Variants in ADCY9 observed in about 807,000 individuals in gnomAD.
ADCY9 encodes the protein adenylate cyclase 9.
In ADCY9, 50 loss-of-function variants were observed where a neutral mutation model predicts 101.5. That is an observed-to-expected ratio of 0.49 (90% CI 0.39 to 0.62). ADCY9 has a LOEUF of 0.62. Ranked by LOEUF, ADCY9 falls within the 20% of genes least tolerant of loss-of-function variation. The probability of loss-of-function intolerance (pLI) is 0.00; values close to 1 mark genes in which losing one functional copy is unlikely to be tolerated. For synonymous variants in ADCY9, 905 were observed against 769.3 expected (o/e 1.18, Z -2.92); for missense variants, 1,662 against 1,800.4 (o/e 0.92, Z 1.39).
chr16:4,041,458 C>T (rs989935629), intron 2 of ADCY9, among the ~76,000 whole-genome samples: 2 of 139,912 alleles, frequency 1.4e-5, no homozygotes, highest in African/African-American at 5.3e-5. Context: ...GAGCTGAGAT[C>T]ACTGGGCGAT....
chr16:3,966,040 A>G lies in ADCY9; in HGVS notation c.3797T>C (p.Val1266Ala). Reference protein sequence around the residue: ...LSISPDIRVQVDGSIGRSPTD... With the variant: ...LSISPDIRVQADGSIGRSPTD... ...GGGAGACCGTCCGATGCTGCCATCCACCTGGACGCGGATGTCTGGGGAGAT... is the reference window on the plus strand; with the variant it reads ...GGGAGACCGTCCGATGCTGCCATCCGCCTGGACGCGGATGTCTGGGGAGAT... The change falls in exon 11 of 11, where the codon GTG (valine) becomes GCG (alanine). Residue 1266 changes from valine (V) to alanine (A), a missense_variant. Transcript: ENST00000294016. 1.2e-6 allele frequency: 2 copies of G among 1,614,182 alleles called. No individual in the cohort carries two copies. Among genetic ancestry groups the G allele is most frequent in the Non-Finnish European group, 1.7e-6 (2 of 1,180,028 alleles).
chr16:4,016,897 G>T (rs1183345566), intron 2 of ADCY9, among the ~76,000 whole-genome samples: 2 of 152,170 alleles, frequency 1.3e-5, no homozygotes, highest in African/African-American at 4.8e-5. Context: ...TTAGGTTGTG[G>T]TGATGGTTGC....
chr16:3,996,281 C>T (rs2056286173), intron 3 of ADCY9, among the ~76,000 whole-genome samples: 1 of 152,166 alleles, frequency 6.6e-6, no homozygotes, highest in South Asian at 2.1e-4. Context: ...AGGATTGCTT[C>T]AGCGAAGGAA....
chr16:4,057,048 C>CAA (rs200506569), intron 2 of ADCY9, among the ~76,000 whole-genome samples: 3 of 126,314 alleles, frequency 2.4e-5, no homozygotes, highest in Non-Finnish European at 3.5e-5. Flanking sequence ...GCCCCCCCCC[C>CAA]CCCCGCCAAT....
chr16:3,994,826 A>G (rs1345110045), intron 3 of ADCY9, among the ~76,000 whole-genome samples: 1 of 152,160 alleles, frequency 6.6e-6, no homozygotes, highest in African/African-American at 2.4e-5. Context: ...GAAACTGGCC[A>G]CCAACTATGC....
rs2056254070 is a variant in ADCY9 at position 3,992,590 on chromosome 16, C to T, written c.1990-227G>A. On this transcript the variant is annotated intron_variant, in intron 4 of 10. Coordinates refer to ENST00000294016, the MANE Select transcript of ADCY9 (RefSeq NM_001116.4). This position sits in a 1 kb window ranked among gnomAD's most constrained non-coding sequence, Gnocchi z 4.2. ...GTTACCCAACAGTGCCCAGTGGTAA[C>T]GCTGGGTGTTCAGGCTGCCAGGACA... 6.6e-6 allele frequency among the ~76,000 whole-genome samples: 1 copy of T among 152,114 alleles called. No individual in the cohort carries two copies. The highest frequency in any genetic ancestry group is 2.4e-5 in the African/African-American group (1 of 41,414).
At chr16:4,088,476 G>A (rs75090912) in intron 2 of ADCY9, among the ~76,000 whole-genome samples, 6 of 151,908 alleles carry the variant, frequency 3.9e-5, no homozygotes, top group East Asian at 1.9e-4. Flanking sequence ...ATTTTGCAGC[G>A]ACAGGATTTC....
At chr16:3,968,117 G>C (rs568493831) in intron 10 of ADCY9, among the ~76,000 whole-genome samples, 85 of 152,182 alleles carry the variant, frequency 5.6e-4, no homozygotes, top group African/African-American at 1.6e-3. Flanking sequence ...TCATACCCAA[G>C]AAATTTAACA....
intron 10 of ADCY9, among the ~76,000 whole-genome samples, chr16:3,974,324 G>A (rs1184810915): frequency 2.0e-5 from 3 of 152,216 alleles, no homozygotes; most frequent in Non-Finnish European, 4.4e-5. Context: ...GATTACAGGC[G>A]TGAGCCACCG....
chr16:4,075,545 G>T (rs1335970145), intron 2 of ADCY9, among the ~76,000 whole-genome samples: 4 of 152,162 alleles, frequency 2.6e-5, no homozygotes, highest in African/African-American at 9.7e-5. Flanking sequence ...TGGATGTACT[G>T]GCAAGAAATG....
At chr16:4,034,521 T>G (rs752215408) in intron 2 of ADCY9, among the ~76,000 whole-genome samples, 6 of 152,162 alleles carry the variant, frequency 3.9e-5, no homozygotes, top group Non-Finnish European at 8.8e-5. Flanking sequence ...GAGTTTCTCC[T>G]GCCTCAGCCT....
chr16:3,959,362 CAA>C (rs71133675), downstream of ADCY9, among the ~76,000 whole-genome samples: 1,603 of 133,508 alleles, frequency 0.012, 18 homozygotes, highest in African/African-American at 0.035. Context: ...ACTCTTATCT[CAA>C]AAAAAAAAAA....
chr16:4,110,192 C>T (rs898959720), intron 2 of ADCY9, among the ~76,000 whole-genome samples: 1 of 152,132 alleles, frequency 6.6e-6, no homozygotes, highest in African/African-American at 2.4e-5. Context: ...TGGGGCCGAG[C>T]CCAAGAGGGT....
At chr16:4,010,464 C>T (rs763294357) in intron 2 of ADCY9, among the ~76,000 whole-genome samples, 4 of 152,246 alleles carry the variant, frequency 2.6e-5, no homozygotes, top group South Asian at 2.1e-4. Context: ...AGCACATCTC[C>T]AACGTCTGCT....
At chr16:3,980,849 G>A (rs954545425) in intron 7 of ADCY9, among the ~76,000 whole-genome samples, 3 of 152,214 alleles carry the variant, frequency 2.0e-5, no homozygotes, top group Non-Finnish European at 2.9e-5. Flanking sequence ...GTTGGAGGGG[G>A]CCTTCATGCT....
intron 8 of ADCY9, among the ~76,000 whole-genome samples, chr16:3,978,898 G>A (rs1399245411): frequency 6.6e-6 from 1 of 152,050 alleles, no homozygotes; most frequent in Admixed American, 6.6e-5. Flanking sequence ...TGTATTTTTA[G>A]TAGAGACGGG....
intron 2 of ADCY9, among the ~76,000 whole-genome samples, chr16:4,030,838 C>A (rs779153708): frequency 8.5e-5 from 13 of 152,078 alleles, no homozygotes; most frequent in Non-Finnish European, 1.3e-4. Flanking sequence ...GGGAGGGACA[C>A]GAGGGAGGCT....
intron 2 of ADCY9, among the ~76,000 whole-genome samples, chr16:4,030,105 C>T (rs1209828969): frequency 6.6e-6 from 1 of 152,100 alleles, no homozygotes; most frequent in Admixed American, 6.5e-5. Context: ...TCGGTATTAC[C>T]GATGGAAGTT....
At chr16:4,045,333 A>T (rs1388373781) in intron 2 of ADCY9, among the ~76,000 whole-genome samples, 1 of 152,096 alleles carries the variant, frequency 6.6e-6, no homozygotes, top group Admixed American at 6.6e-5. Context: ...ACGGTGGTTC[A>T]CGCCTGTAAT....
Sources: allele counts gnomAD v4.1 joint callset (sites outside exome capture counted in the v4.1 genomes callset), GRCh38; gene constraint gnomAD v4.1.1; non-coding constraint Gnocchi (gnomAD v3.1); transcripts MANE v1.5; gene names NCBI Gene and HGNC (gene_info 2026-07-23, HGNC 2026-07-21).